DGKK: variants seen among roughly 807,000 people sequenced by gnomAD.
The protein encoded by DGKK is diacylglycerol kinase kappa, also known as 142 kDa diacylglycerol kinase.
DGKK carries 35 observed loss-of-function variants against 92.2 expected under a neutral mutation model. The ratio of observed to expected loss-of-function variants is 0.38; its 90% confidence interval spans 0.29 to 0.50. DGKK has a LOEUF of 0.50. DGKK is among the 20% of genes least tolerant of loss of function. The pLI is 0.92. For missense variants in DGKK, 910 were observed against 992.2 expected (o/e 0.92, Z 1.11); for synonymous variants, 368 against 360.6 (o/e 1.02, Z -0.23).
intron 4 of DGKK, among the ~76,000 whole-genome samples, chrX:50,409,207 C>G (rs1925246051): frequency 9.1e-6 from 1 of 110,020 alleles, no homozygotes; most frequent in African/African-American, 3.3e-5. Context: ...ACAGAGGGAA[C>G]AGACACAGGG....
At chrX:50,414,732 G>A (rs1017870720) in intron 4 of DGKK, among the ~76,000 whole-genome samples, 16 of 111,498 alleles carry the variant, frequency 1.4e-4, no homozygotes, top group African/African-American at 4.9e-4. Flanking sequence ...TGTTTGAAAA[G>A]GTGTGAAAGA....
At chrX:50,454,834 G>A in intron 1 of DGKK, among the ~76,000 whole-genome samples, 1 of 111,961 alleles carries the variant, frequency 8.9e-6, no homozygotes, top group African/African-American at 3.2e-5. Context: ...TCCTTTGGCA[G>A]TTCAAGTTTT....
chrX:50,420,467 T>C lies in DGKK; in HGVS notation c.878A>G (p.Asn293Ser), dbSNP rs781926224. 14 of 1,209,089 alleles carry C rather than the reference T, an allele frequency of 1.2e-5. No individual in the cohort carries two copies. In the East Asian group the frequency reaches 1.5e-4, roughly 13 times the overall value. Residue 293 changes from asparagine (N) to serine (S), a missense_variant, in exon 4 of 28, where the codon AAC becomes AGC. Transcript: ENST00000611977. Reference sequence around the variant, plus strand: ...AATCCATTCTTCCATGTCTTTCCGGTTGGGTGCAGCCAGAGTGATTTTTCG... The same window carrying C: ...AATCCATTCTTCCATGTCTTTCCGGCTGGGTGCAGCCAGAGTGATTTTTCG... ...PQRKITLAAP[N>S]RKDMEEWINI...
At chrX:50,448,186 C>T (rs1557232184) in intron 1 of DGKK, among the ~76,000 whole-genome samples, 1 of 110,786 alleles carries the variant, frequency 9.0e-6, no homozygotes, top group African/African-American at 3.3e-5. Context: ...AAGCTCCTTT[C>T]TCTTTTTTTT....
chrX:50,389,075 C>T (rs1924622767), intron 12 of DGKK, among the ~76,000 whole-genome samples: 1 of 111,477 alleles, frequency 9.0e-6, no homozygotes, highest in Non-Finnish European at 1.9e-5. Context: ...TCATATAATC[C>T]TCATAACAAC....
At chrX:50,446,830 C>G (rs1216583608) in intron 1 of DGKK, among the ~76,000 whole-genome samples, 1 of 110,795 alleles carries the variant, frequency 9.0e-6, no homozygotes, top group Non-Finnish European at 1.9e-5. Context: ...ATTCTTTCTG[C>G]TGTCTTTCAT....
intron 1 of DGKK, among the ~76,000 whole-genome samples, chrX:50,431,083 G>C (rs1300203671): frequency 2.7e-5 from 3 of 110,490 alleles, no homozygotes; most frequent in African/African-American, 9.9e-5. Context: ...CCAGGCTGAA[G>C]TGCAGTGGCG....
At chrX:50,396,971 C>T (rs1427753702) in intron 8 of DGKK, among the ~76,000 whole-genome samples, 1 of 111,931 alleles carries the variant, frequency 8.9e-6, no homozygotes, top group Non-Finnish European at 1.9e-5. Context: ...GGAAGAGATA[C>T]TTAATGACAG....
chrX:50,376,729 C>G, intron 23 of DGKK, 29 bp downstream of exon 23: 1 of 1,124,678 alleles, frequency 8.9e-7, no homozygotes, highest in East Asian at 3.1e-5. Flanking sequence ...TTAGGATTCT[C>G]AGCCCTGTAT....
intron 24 of DGKK, among the ~76,000 whole-genome samples, 188 bp from the exon 25 acceptor site, chrX:50,375,245 C>T (rs1212852207): frequency 1.8e-5 from 2 of 111,397 alleles, no homozygotes; most frequent in Admixed American, 1.9e-4. Context: ...AGAACGAGTG[C>T]CAGCTGACAA....
At chrX:50,453,383 G>T (rs782442407) in intron 1 of DGKK, among the ~76,000 whole-genome samples, 1 of 111,353 alleles carries the variant, frequency 9.0e-6, no homozygotes, top group Non-Finnish European at 1.9e-5. Context: ...CAAGGACATA[G>T]GACATGGGAA....
At chrX:50,458,809 T>A (rs1165901106) in intron 1 of DGKK, among the ~76,000 whole-genome samples, 3 of 111,503 alleles carry the variant, frequency 2.7e-5, no homozygotes, top group Non-Finnish European at 3.8e-5. Flanking sequence ...CTTTATTTTT[T>A]ACAATCTTTC....
chrX:50,436,202 C>G (rs896530466), intron 1 of DGKK, among the ~76,000 whole-genome samples: 4 of 111,997 alleles, frequency 3.6e-5, no homozygotes, highest in African/African-American at 1.3e-4. Context: ...CAGGGACAAG[C>G]CTCCTGGAGA....
At chrX:50,392,171 T>G (rs1158851396) in intron 10 of DGKK, among the ~76,000 whole-genome samples, 170 bp downstream of exon 10, 1 of 112,216 alleles carries the variant, frequency 8.9e-6, no homozygotes, top group Non-Finnish European at 1.9e-5. Context: ...CAGAAAACAG[T>G]GTAGATGAGT....
intron 1 of DGKK, among the ~76,000 whole-genome samples, chrX:50,468,873 G>T (rs1426723797): frequency 9.1e-6 from 1 of 110,262 alleles, no homozygotes; most frequent in Non-Finnish European, 1.9e-5. Flanking sequence ...GTGTGTGTGT[G>T]TGTGTGTGAA....
intron 8 of DGKK, among the ~76,000 whole-genome samples, chrX:50,394,449 G>T (rs1924787791): frequency 8.9e-6 from 1 of 111,894 alleles, no homozygotes; most frequent in South Asian, 3.8e-4. Context: ...TTTAGGACTT[G>T]CCAGGACTCA....
intron 25 of DGKK, among the ~76,000 whole-genome samples, chrX:50,372,501 G>C (rs1924164652): frequency 9.0e-6 from 1 of 111,656 alleles, no homozygotes; most frequent in South Asian, 3.8e-4. Context: ...CTAGAGAGAG[G>C]CTGGCTCAAC....
At chrX:50,454,873 GA>G in intron 1 of DGKK, among the ~76,000 whole-genome samples, 1 of 112,094 alleles carries the variant, frequency 8.9e-6, no homozygotes, top group South Asian at 3.8e-4. Context: ...CTAATTACAA[GA>G]AAAGCCTCCT....
At chrX:50,380,840 G>A (rs1557224373) in intron 18 of DGKK, among the ~76,000 whole-genome samples, 1 of 111,826 alleles carries the variant, frequency 8.9e-6, no homozygotes, top group African/African-American at 3.3e-5. Context: ...CAGAAGGCTA[G>A]CACAAAATTA....
Sources: allele counts gnomAD v4.1 joint callset (sites outside exome capture counted in the v4.1 genomes callset), GRCh38; gene constraint gnomAD v4.1.1; transcripts MANE v1.5; gene names NCBI Gene and HGNC (gene_info 2026-07-23, HGNC 2026-07-21).